Variants in RNASEH2B observed in about 807,000 individuals in gnomAD.
RNASEH2B encodes Aicardi-Goutieres syndrome 2 protein.
RNASEH2B carries 36 observed loss-of-function variants against 45.0 expected under a neutral mutation model. The ratio of observed to expected loss-of-function variants is 0.80; its 90% confidence interval spans 0.61 to 1.06. The LOEUF (loss-of-function observed/expected upper bound fraction) is 1.06. RNASEH2B is among the 50% of genes least tolerant of loss of function. RNASEH2B has a pLI of 0.00. For synonymous variants in RNASEH2B, 119 were observed against 125.7 expected (o/e 0.95, Z 0.35); for missense variants, 361 against 360.3 (o/e 1.00, Z -0.02).
intron 10 of RNASEH2B, chr13:50,955,913 A>G (rs754910881): frequency 6.1e-6 from 1 of 162,970 alleles, no homozygotes; most frequent in Admixed American, 5.7e-5. Flanking sequence ...CATCTTTTGA[A>G]TATCATAGGG....
rs376240726 is a variant in RNASEH2B, at chr13:50,947,989, G to A, written c.619G>A (p.Asp207Asn). The change falls in exon 8 of 11, where the codon GAT becomes AAT. Residue 207 changes from aspartate to asparagine, a missense_variant and splice_region_variant. Asp to Asn is a conservative substitution (Grantham distance 23). Transcript: ENST00000336617. ...ACTCCTCCTTCTGTTTCTTTCAGAG[G>A]ATTATATTCGTTATGCCCATGGTCT... ...GDQASTDKEE[D>N]YIRYAHGLIS... The A allele has an allele frequency of 1.6e-5, 26 of 1,609,728 alleles. No individual in the cohort carries two copies. In the African/African-American group the frequency reaches 2.7e-4, roughly 17 times the overall value.
chr13:50,949,355 A>G, intron 8 of RNASEH2B, 108 bp from the exon 9 acceptor site: 1 of 910,924 alleles, frequency 1.1e-6, no homozygotes, highest in South Asian at 1.3e-5. Context: ...ATGGAGGTAA[A>G]GCTGTAAGTT....
intron 7 of RNASEH2B, 63 bp downstream of exon 7, chr13:50,945,595 C>A (rs1951891066): frequency 1.9e-6 from 2 of 1,049,758 alleles, no homozygotes; most frequent in African/African-American, 1.6e-5. Context: ...GTGTAAATGC[C>A]TATCTTAGGA....
At chr13:50,954,250 G>C (rs1268582074) in intron 10 of RNASEH2B, 2 of 552,158 alleles carry the variant, frequency 3.6e-6, no homozygotes, top group Non-Finnish European at 6.4e-6. Context: ...AGAGTGATAG[G>C]GTGGGAAAGG....
At chr13:50,966,132 T>G (rs1952162418) in intron 9 of RNASEH2B, among the ~76,000 whole-genome samples, 1 of 152,208 alleles carries the variant, frequency 6.6e-6, no homozygotes, top group Admixed American at 6.5e-5. Context: ...GGAATAATAT[T>G]AGGAATAAAT....
At chr13:50,940,849 G>C (rs976640349) in intron 5 of RNASEH2B, 2 of 152,232 alleles carry the variant, frequency 1.3e-5, no homozygotes, top group African/African-American at 4.8e-5. Flanking sequence ...ATATGCCATG[G>C]AGGAGAGGTT....
intron 1 of RNASEH2B, among the ~76,000 whole-genome samples, chr13:50,917,691 T>C (rs1879819773): frequency 6.6e-6 from 1 of 152,126 alleles, no homozygotes; most frequent in Admixed American, 6.5e-5. Flanking sequence ...GACTGTCAGC[T>C]CTCTCAAGTC....
intron 3 of RNASEH2B, among the ~76,000 whole-genome samples, chr13:50,929,904 A>G (rs1951654933): frequency 6.6e-6 from 1 of 152,138 alleles, no homozygotes. Flanking sequence ...TCTTTTGAGG[A>G]TCTTTGTGTT....
In RNASEH2B at chr13:50,923,555, A is replaced by C. The variant is rs533227765; in HGVS notation, c.65-3852A>C. Among the ~76,000 whole-genome samples the C allele has an allele frequency of 9.8e-5, 15 of 152,320 alleles. No individual in the cohort carries two copies. The South Asian group carries it at 3.1e-3, about 32-fold the overall frequency. ...AAGGTGCTGAAATAAAGAGAGTCTC[A>C]ACAAAGAATTCTATATCTGTTAAAA... On this transcript the variant is annotated intron_variant, in intron 1 of 10. Coordinates refer to ENST00000336617, the MANE Select transcript of RNASEH2B (RefSeq NM_024570.4).
intron 1 of RNASEH2B, among the ~76,000 whole-genome samples, chr13:50,923,235 A>C (rs1166782538): frequency 6.6e-6 from 1 of 152,198 alleles, no homozygotes; most frequent in African/African-American, 2.4e-5. Flanking sequence ...ATCCCAGATG[A>C]GAAGAGAAGG....
At chr13:50,955,445 T>C (rs557151276) in intron 10 of RNASEH2B, 6 of 152,310 alleles carry the variant, frequency 3.9e-5, no homozygotes, top group Non-Finnish European at 5.9e-5. Flanking sequence ...TTGTATCCAC[T>C]TGGGCACAGC....
chr13:50,916,116 T>G (rs2137888587), intron 1 of RNASEH2B, among the ~76,000 whole-genome samples: 1 of 152,234 alleles, frequency 6.6e-6, no homozygotes, highest in East Asian at 1.9e-4. Context: ...ATAAAATAAT[T>G]TGTCCATCAT....
chr13:50,962,027 A>C (rs1169819586), intron 9 of RNASEH2B, among the ~76,000 whole-genome samples: 1 of 152,162 alleles, frequency 6.6e-6, no homozygotes, highest in East Asian at 1.9e-4. Flanking sequence ...ATGTTAAACT[A>C]ATTTTGCATT....
chr13:50,960,002 T>C (rs1952094944), downstream of RNASEH2B: 1 of 363,742 alleles, frequency 2.7e-6, no homozygotes, highest in Non-Finnish European at 4.9e-6. Context: ...TTTGGGAATA[T>C]AGTATTTCTT....
intron 2 of RNASEH2B, 83 bp downstream of exon 2, chr13:50,927,561 T>C: frequency 4.5e-6 from 4 of 884,220 alleles, no homozygotes; most frequent in Non-Finnish European, 7.7e-6. Flanking sequence ...GTGTCCTTGC[T>C]CTTTCTGAAT....
chr13:50,943,661 GTGTAGAT>G (rs1951860860), intron 6 of RNASEH2B, among the ~76,000 whole-genome samples: 2 of 152,270 alleles, frequency 1.3e-5, no homozygotes, highest in South Asian at 4.1e-4. Context: ...TAATTTGTTG[GTGTAGAT>G]TTGAGTCTTC....
intron 1 of RNASEH2B, among the ~76,000 whole-genome samples, chr13:50,913,862 A>G (rs1566073243): frequency 2.0e-5 from 3 of 152,228 alleles, no homozygotes; most frequent in South Asian, 2.1e-4. Context: ...AAATGATTAT[A>G]CCAGAGCTAT....
chr13:50,943,413 G>A lies in RNASEH2B; in HGVS notation c.510+19G>A. 1 of 1,543,892 alleles carries A rather than the reference G, an allele frequency of 6.5e-7. No homozygotes were observed. The highest frequency in any genetic ancestry group is 9.0e-7 in the Non-Finnish European group (1 of 1,116,172). On this transcript the variant is annotated intron_variant, in intron 6 of 10. Transcript: ENST00000336617. Reference sequence around the variant, plus strand: ...AAAAAAGGTATAGTTCCTCTCTAGTGCCTTGTGGTAAAAGTAAAAATTCAG... The same window carrying A: ...AAAAAAGGTATAGTTCCTCTCTAGTACCTTGTGGTAAAAGTAAAAATTCAG...
chr13:50,956,192 A>G, intron 10 of RNASEH2B, 166 bp from the exon 11 acceptor site: 1 of 603,634 alleles, frequency 1.7e-6, no homozygotes. Context: ...CTTAGGTCTG[A>G]ATTCTGAATA....
Sources: allele counts gnomAD v4.1 joint callset (sites outside exome capture counted in the v4.1 genomes callset), GRCh38; gene constraint gnomAD v4.1.1; transcripts MANE v1.5; gene names NCBI Gene and HGNC (gene_info 2026-07-23, HGNC 2026-07-21).